CTSD: variants seen among roughly 807,000 people sequenced by gnomAD.
CTSD encodes ceroid-lipofuscinosis, neuronal 10.
In CTSD, 28 loss-of-function variants were observed where a neutral mutation model predicts 43.6. The ratio of observed to expected loss-of-function variants is 0.64; its 90% CI spans 0.48 to 0.88. The LOEUF is 0.88. Among genes scored for constraint, CTSD ranks in the 40% least tolerant of loss-of-function variants. The pLI, the probability that CTSD is intolerant of heterozygous loss-of-function variation, is 0.00. For synonymous variants in CTSD, 270 were observed against 249.8 expected, an observed-to-expected ratio of 1.08 and a Z score of -0.76; for missense variants, 485 against 555.2, an observed-to-expected ratio of 0.87 and a Z score of 1.27.
chr11:1,754,790 C>G (rs1009066489), intron 6 of CTSD, 116 bp downstream of exon 6: 2 of 1,281,606 alleles, frequency 1.6e-6, no homozygotes, highest in Non-Finnish European at 2.1e-6. Flanking sequence ...CTTTCTTGCC[C>G]AGCTCCCACT....
chr11:1,763,735 G>A (rs906277029), intron 1 of CTSD, 57 bp downstream of exon 1: 29 of 1,460,386 alleles, frequency 2.0e-5, no homozygotes, highest in South Asian at 6.2e-5. Context: ...CACAGGCCCC[G>A]GGACCTCGGC....
chr11:1,759,675 G>C, intron 2 of CTSD, 36 bp from the exon 3 acceptor site: 1 of 1,597,230 alleles, frequency 6.3e-7, no homozygotes, highest in Non-Finnish European at 8.5e-7. Flanking sequence ...GATGGGAGAG[G>C]GGGCCCCATC....
At chr11:1,761,222 A>C in intron 2 of CTSD, 87 bp downstream of exon 2, 1 of 1,490,380 alleles carries the variant, frequency 6.7e-7, no homozygotes, top group South Asian at 1.1e-5. Flanking sequence ...CGCTGCTGAG[A>C]ACAGGAGGTG....
rs1050822 is a variant in CTSD, at chr11:1,753,161, G to A, written c.*342C>T. 16 of 381,428 alleles carry A rather than the reference G, an allele frequency of 4.2e-5. No individual in the cohort carries two copies. Among genetic ancestry groups the A allele is most frequent in the South Asian group, 1.5e-4 (7 of 45,730 alleles). 23.6% of individuals were successfully genotyped at this position (381,428 alleles called of 1,614,324 possible). A position where few individuals can be genotyped will look rare whatever the true frequency, so the allele number is the denominator to read the frequency against. On this transcript the variant is annotated 3_prime_UTR_variant, in exon 9 of 9. Transcript: ENST00000236671. ...CAGCCCAGCGGGCGCTGGTAGGGCCGGGGAGGGGACTCCCTGGAGATGAAG... is the reference window on the plus strand; with the variant it reads ...CAGCCCAGCGGGCGCTGGTAGGGCCAGGGAGGGGACTCCCTGGAGATGAAG...
rs1324285475 is a variant in CTSD, at chr11:1,753,460, G to A, written c.*43C>T. ...CTGGGCCAGGGGCCTCCTGCTCTGGGACTCTCCTCTGTTTCTGTGCTGGCG... is the reference window on the plus strand; with the variant it reads ...CTGGGCCAGGGGCCTCCTGCTCTGGAACTCTCCTCTGTTTCTGTGCTGGCG... On this transcript the variant is annotated 3_prime_UTR_variant, in exon 9 of 9. Transcript: ENST00000236671. The A allele has an allele frequency of 4.3e-6, 7 of 1,611,264 alleles. No homozygotes were observed. Among genetic ancestry groups the A allele is most frequent in the Non-Finnish European group, 5.9e-6 (7 of 1,178,548 alleles).
chr11:1,759,188 C>G (rs913577967), intron 3 of CTSD, 101 bp from the exon 4 acceptor site: 1 of 999,200 alleles, frequency 1.0e-6, no homozygotes, highest in South Asian at 1.3e-5. Flanking sequence ...CCGCACCCCC[C>G]AAGCTGCCTC....
chr11:1,759,060 T>A lies in CTSD; in HGVS notation c.380A>T (p.Lys127Met), dbSNP rs1438409242. 14 of 1,614,004 alleles carry A rather than the reference T, an allele frequency of 8.7e-6. No individual in the cohort carries two copies. The highest frequency in any genetic ancestry group is 1.2e-5 in the Non-Finnish European group (14 of 1,179,958). ...CWIHHKYNSD[K>M]SSTYVKNGTS... is the part of the protein sequence containing the mutation. The stretch of plus-strand genomic sequence containing the variant: ...ACCATTCTTCACGTAGGTGCTGGAC[T>A]TGTCGCTGTTGTACTTGTGGTGGAT... The change falls in exon 4 of 9, where the codon AAG becomes ATG. Residue 127 changes from lysine (K) to methionine (M), a missense_variant. Physicochemically the swap from Lys to Met is moderately conservative, Grantham distance 95. Coordinates refer to ENST00000236671, the MANE Select transcript of CTSD (RefSeq NM_001909.5).
At chr11:1,756,987 G>A (rs915767194) in intron 5 of CTSD, among the ~76,000 whole-genome samples, 1 of 152,178 alleles carries the variant, frequency 6.6e-6, no homozygotes. Flanking sequence ...TCTGGGGACC[G>A]ACGGGCCGAC....
chr11:1,763,886 T>A lies in CTSD; in HGVS notation c.-27A>T. On this transcript the variant is annotated 5_prime_UTR_variant, in exon 1 of 9. Coordinates refer to ENST00000236671, the MANE Select transcript of CTSD (RefSeq NM_001909.5). ...GCGGCGGCGGCCGGGTCGGAGAGGG[T>A]CGCCGAGGCCGTGCGCTTATAGCCG... The A allele has an allele frequency of 2.0e-6, 3 of 1,515,956 alleles. No individual in the cohort carries two copies. The highest frequency in any genetic ancestry group is 2.6e-6 in the Non-Finnish European group (3 of 1,136,928). 93.9% of individuals were successfully genotyped at this position (1,515,956 alleles called of 1,614,324 possible).
At chr11:1,762,435 G>A (rs1386721071) in intron 1 of CTSD, 1 of 152,204 alleles carries the variant, frequency 6.6e-6, no homozygotes, top group East Asian at 1.9e-4. Context: ...GCTCCCCTGG[G>A]CTTTTAATCA....
chr11:1,763,713 C>G, intron 1 of CTSD, 79 bp downstream of exon 1: 1 of 1,328,864 alleles, frequency 7.5e-7, no homozygotes, highest in Non-Finnish European at 1.0e-6. Context: ...CACAGGGGAG[C>G]GCGAAAGTCA....
chr11:1,755,239 G>A, intron 5 of CTSD: 2 of 628,554 alleles, frequency 3.2e-6, no homozygotes, highest in Non-Finnish European at 5.7e-6. Context: ...GCCCAGCCTG[G>A]CCCAGAAGAG....
chr11:1,753,447 C>T lies in CTSD; in HGVS notation c.*56G>A, dbSNP rs1296439510. ...GTGGGAGGGGCCGCTGGGCCAGGGG[C>T]CTCCTGCTCTGGGACTCTCCTCTGT... is the stretch of plus-strand genomic sequence containing the variant. On this transcript the variant is annotated 3_prime_UTR_variant, in exon 9 of 9. Transcript: ENST00000236671. 6.2e-7 allele frequency: 1 copy of T among 1,601,816 alleles called. No homozygotes were observed. The highest frequency in any genetic ancestry group is 8.5e-7 in the Non-Finnish European group (1 of 1,170,322).
chr11:1,756,278 G>A (rs1845808630), intron 5 of CTSD, among the ~76,000 whole-genome samples: 1 of 152,194 alleles, frequency 6.6e-6, no homozygotes, highest in African/African-American at 2.4e-5. Flanking sequence ...TTTTCACCTG[G>A]CTGCCTCCCC....
rs1845822025 is a variant in CTSD at position 1,757,356 on chromosome 11, C to T, written c.672G>A (p.Val224=). The T allele has an allele frequency of 6.2e-7, 1 of 1,614,070 alleles. No individual in the cohort carries two copies. The highest frequency in any genetic ancestry group is 1.3e-5 in the African/African-American group (1 of 75,058). The change falls in exon 5 of 9, where the codon GTG becomes GTA. Residue 224 remains valine (V), a synonymous_variant. Transcript: ENST00000236671. The part of the protein sequence containing the change: ...VFDNLMQQKL[V]DQNIFSFYLS... ...GGTAGAAGGAGAAGATGTTCTGGTC[C>T]ACCAGCTTCTGCTGCATCAGGTTGT...
intron 3 of CTSD, 57 bp from the exon 4 acceptor site, chr11:1,759,144 A>C: frequency 7.7e-7 from 1 of 1,302,488 alleles, no homozygotes; most frequent in African/African-American, 1.5e-5. Flanking sequence ...CCACGGCCTT[A>C]GCCCTCCCAT....
At position 1,753,307 on chromosome 11, in the gene CTSD, G is replaced by A. The variant is rs1845750056; in HGVS notation, c.*196C>T. 3 of 653,656 alleles carry A rather than the reference G, an allele frequency of 4.6e-6. No individual in the cohort carries two copies. The highest frequency in any genetic ancestry group is 3.6e-5 in the African/African-American group (2 of 55,640). The allele number at this position is 653,656 out of a possible 1,614,324, so 40.5% of individuals were successfully genotyped here. On this transcript the variant is annotated 3_prime_UTR_variant, in exon 9 of 9. Coordinates refer to ENST00000236671, the MANE Select transcript of CTSD (RefSeq NM_001909.5). ...AAACAGATGGAGAGACAGACAGGCA[G>A]GCAGCATTTCTGAACCCAGGGAGGG...
chr11:1,754,019 C>T lies in CTSD; in HGVS notation c.947G>A (p.Gly316Glu). ...CTCGCCCTGAATCAGCGGCACGGCCCCGATGGCCTTCTGCAGCTCGCGCAC... is the reference window on the plus strand; with the variant it reads ...CTCGCCCTGAATCAGCGGCACGGCCTCGATGGCCTTCTGCAGCTCGCGCAC... Reference protein sequence around the residue: ...DEVRELQKAIGAVPLIQGEYM... With the variant: ...DEVRELQKAIEAVPLIQGEYM... Residue 316 changes from glycine to glutamate, a missense_variant, in exon 7 of 9, where the codon GGG (glycine) becomes GAG (glutamate). By Grantham distance (98) the Gly-to-Glu change is moderately conservative. Transcript: ENST00000236671. 6.2e-7 allele frequency: 1 copy of T among 1,608,558 alleles called. No homozygotes were observed. The highest frequency in any genetic ancestry group is 8.5e-7 in the Non-Finnish European group (1 of 1,178,332).
At chr11:1,754,502 G>A (rs1845777317) in intron 6 of CTSD, among the ~76,000 whole-genome samples, 1 of 108,140 alleles carries the variant, frequency 9.2e-6, no homozygotes, top group Non-Finnish European at 2.0e-5. Flanking sequence ...AGGGATGTGG[G>A]GATGGAGGGA....
Sources: allele counts gnomAD v4.1 joint callset (sites outside exome capture counted in the v4.1 genomes callset), GRCh38; gene constraint gnomAD v4.1.1; transcripts MANE v1.5; gene names NCBI Gene and HGNC (gene_info 2026-07-23, HGNC 2026-07-21).